The following EFCAB11 variants were observed in gnomAD, a reference collection of about 807,000 sequenced individuals.
EFCAB11 encodes the protein EF-hand calcium-binding domain-containing protein 11.
A neutral mutation model predicts 23.0 loss-of-function variants in EFCAB11; 14 were observed. The ratio of observed to expected loss-of-function variants is 0.61; its 90% confidence interval spans 0.40 to 0.95. The LOEUF is 0.95. Ranked by LOEUF, EFCAB11 falls within the 40% of genes least tolerant of loss-of-function variation. The pLI is 0.00. For synonymous variants in EFCAB11, 65 were observed against 66.6 expected (o/e 0.98, Z 0.11); for missense variants, 198 against 195.8 (o/e 1.01, Z -0.07).
At chr14:89,908,304 TG>T (rs1377127438) in intron 5 of EFCAB11, among the ~76,000 whole-genome samples, 6 of 152,206 alleles carry the variant, frequency 3.9e-5, no homozygotes, top group African/African-American at 1.2e-4. Context: ...ACAACTCTGG[TG>T]TAAGTTCTCT....
chr14:89,878,249 T>C (rs572238012), intron 5 of EFCAB11, among the ~76,000 whole-genome samples: 2 of 152,330 alleles, frequency 1.3e-5, no homozygotes, highest in East Asian at 3.9e-4. Context: ...GTATTGCTTT[T>C]AGTTTTTACA....
intron 5 of EFCAB11, among the ~76,000 whole-genome samples, chr14:89,852,741 T>G (rs1041856692): frequency 6.6e-6 from 1 of 152,206 alleles, no homozygotes; most frequent in African/African-American, 2.4e-5. Context: ...ATGTGACATA[T>G]TTTTAAAAGC....
chr14:89,931,388 A>T, intron 5 of EFCAB11, 153 bp downstream of exon 5: 1 of 701,126 alleles, frequency 1.4e-6, no homozygotes, highest in Non-Finnish European at 2.4e-6. Context: ...AGCTAACTAT[A>T]GATTTCCCTC....
chr14:89,814,063 T>TG (rs1245497290), intron 5 of EFCAB11, among the ~76,000 whole-genome samples: 1 of 143,104 alleles, frequency 7.0e-6, no homozygotes, highest in Non-Finnish European at 1.5e-5. Context: ...AATAGCTCCC[T>TG]GGGGGGAGAA....
intron 5 of EFCAB11, among the ~76,000 whole-genome samples, chr14:89,847,579 A>C (rs1432424375): frequency 1.3e-5 from 2 of 152,068 alleles, no homozygotes; most frequent in Non-Finnish European, 2.9e-5. Flanking sequence ...ATCTCTACTA[A>C]AAATACAAAA....
In EFCAB11 at chr14:89,953,905, C is replaced by T. The variant is rs1891303480; in HGVS notation, c.171+1G>A. 3 of 1,612,666 alleles carry T rather than the reference C, an allele frequency of 1.9e-6. No individual in the cohort carries two copies. Among genetic ancestry groups the T allele is most frequent in the South Asian group, 2.2e-5 (2 of 90,958 alleles). On this transcript the variant is annotated splice_donor_variant, in intron 2 of 5. Coordinates refer to ENST00000316738, the MANE Select transcript of EFCAB11 (RefSeq NM_145231.4). LOFTEE classifies it high-confidence loss of function. ...TCCCCAAATATATAAGAAAGCTCTACCTTGGAGGGCTTGTACCCAAACAGC... is the reference window on the plus strand; with the variant it reads ...TCCCCAAATATATAAGAAAGCTCTATCTTGGAGGGCTTGTACCCAAACAGC...
intron 3 of EFCAB11, among the ~76,000 whole-genome samples, chr14:89,940,772 T>C (rs1162864563): frequency 6.6e-6 from 1 of 152,224 alleles, no homozygotes; most frequent in African/African-American, 2.4e-5. Context: ...TTTTTAATCT[T>C]AGGCATATTT....
chr14:89,798,387 T>C (rs1885645856), intron 5 of EFCAB11, among the ~76,000 whole-genome samples: 1 of 152,246 alleles, frequency 6.6e-6, no homozygotes, highest in African/African-American at 2.4e-5. Flanking sequence ...AAAATATACA[T>C]GATGATTTCA....
chr14:89,893,533 C>T (rs1889050513), intron 5 of EFCAB11, among the ~76,000 whole-genome samples: 1 of 152,052 alleles, frequency 6.6e-6, no homozygotes, highest in African/African-American at 2.4e-5. Flanking sequence ...AAAGGCCCTC[C>T]CTTCAGGGCA....
In EFCAB11 at chr14:89,953,891, A is replaced by T. The variant is rs760312283; in HGVS notation, c.171+15T>A. On this transcript the variant is annotated intron_variant, in intron 2 of 5. Transcript: ENST00000316738. The stretch of plus-strand genomic sequence containing the variant: ...GATCGTCTACCCCATCCCCAAATAT[A>T]TAAGAAAGCTCTACCTTGGAGGGCT... The T allele has an allele frequency of 4.4e-6, 7 of 1,608,152 alleles. No homozygotes were observed. The South Asian group carries it at 7.7e-5, about 18-fold the overall frequency.
intron 5 of EFCAB11, 52 bp from the exon 6 acceptor site, chr14:89,797,376 G>A: frequency 1.0e-5 from 15 of 1,461,556 alleles, no homozygotes; most frequent in Non-Finnish European, 1.4e-5. Flanking sequence ...TAACACCTAT[G>A]CACCGAGAGC....
At chr14:89,854,832 A>G (rs1111756) in intron 5 of EFCAB11, among the ~76,000 whole-genome samples, 98,131 of 151,806 alleles carry the variant, frequency 0.65, 33,721 homozygotes, top group Non-Finnish European at 0.79. Flanking sequence ...GTAGATTTAG[A>G]CATGAAATAT....
At position 89,796,401 on chromosome 14, in the gene EFCAB11, G is replaced by A. The variant is rs1596368677; in HGVS notation, c.*842C>T. On this transcript the variant is annotated 3_prime_UTR_variant, in exon 6 of 6. Coordinates refer to ENST00000316738, the MANE Select transcript of EFCAB11 (RefSeq NM_145231.4). ...GGCTCACTGAAGCTTCAAACCCCTG[G>A]GCTCAAATGATCCTTCCACCTCAGC... The A allele has an allele frequency of 6.6e-6, 1 of 152,108 alleles. No homozygotes were observed. The highest frequency in any genetic ancestry group is 1.9e-4 in the East Asian group (1 of 5,174). The allele number at this position is 152,108 out of a possible 1,614,324, so 9.4% of individuals were successfully genotyped here.
intron 3 of EFCAB11, 23 bp downstream of exon 3, chr14:89,950,074 A>G: frequency 6.5e-7 from 1 of 1,526,900 alleles, no homozygotes; most frequent in South Asian, 1.2e-5. Flanking sequence ...GGTACTAAAA[A>G]TTAATATTAA....
chr14:89,924,413 G>A (rs1890122978), intron 5 of EFCAB11: 1 of 1,318,680 alleles, frequency 7.6e-7, no homozygotes, highest in Non-Finnish European at 9.7e-7. Context: ...TGGACCTTAT[G>A]CACATTCACA....
At chr14:89,885,789 A>G (rs1888748366) in intron 5 of EFCAB11, among the ~76,000 whole-genome samples, 1 of 151,758 alleles carries the variant, frequency 6.6e-6, no homozygotes, top group South Asian at 2.1e-4. Context: ...GAGAGAAAGA[A>G]AGAAAGAAGA....
chr14:89,879,701 G>C (rs1185502836), intron 5 of EFCAB11, among the ~76,000 whole-genome samples: 7 of 152,098 alleles, frequency 4.6e-5, no homozygotes, highest in Non-Finnish European at 1.0e-4. Context: ...GCACTGCTGG[G>C]CTCATATAGA....
intron 5 of EFCAB11, among the ~76,000 whole-genome samples, chr14:89,920,933 T>A (rs1183498079): frequency 6.6e-6 from 1 of 151,268 alleles, no homozygotes; most frequent in Non-Finnish European, 1.5e-5. Flanking sequence ...CGCATAGTGG[T>A]GGGCGCCTGT....
chr14:89,903,119 G>A (rs1488713671), intron 5 of EFCAB11, among the ~76,000 whole-genome samples: 2 of 152,206 alleles, frequency 1.3e-5, no homozygotes, highest in South Asian at 2.1e-4. Context: ...TACATGTCTA[G>A]TAGAATTTGA....
Sources: allele counts gnomAD v4.1 joint callset (sites outside exome capture counted in the v4.1 genomes callset), GRCh38; gene constraint gnomAD v4.1.1; transcripts MANE v1.5; gene names NCBI Gene and HGNC (gene_info 2026-07-23, HGNC 2026-07-21).